Variants in UTP20 observed in about 807,000 individuals in gnomAD.
UTP20 encodes the protein UTP20 small subunit processome component.
A neutral mutation model predicts 329.5 loss-of-function variants in UTP20; 164 were observed. The ratio of observed to expected loss-of-function variants is 0.50; its 90% confidence interval spans 0.44 to 0.57. The LOEUF is 0.57. Ranked by LOEUF, UTP20 falls within the 20% of genes least tolerant of loss-of-function variation. The probability of loss-of-function intolerance (pLI) is 0.00; values close to 1 mark genes in which losing one functional copy is unlikely to be tolerated. For missense variants in UTP20, 3,055 were observed against 3,284.2 expected, an observed-to-expected ratio of 0.93 and a Z score of 1.71; for synonymous variants, 1,151 against 1,159.3, an observed-to-expected ratio of 0.99 and a Z score of 0.14.
intron 5 of UTP20, among the ~76,000 whole-genome samples, chr12:101,287,147 A>G (rs935156923): frequency 2.6e-5 from 4 of 152,160 alleles, no homozygotes; most frequent in Non-Finnish European, 4.4e-5. Context: ...GGAGTGTTTA[A>G]TATCAGTCAT....
At position 101,295,522 on chromosome 12, in the gene UTP20, T is replaced by A. The variant is rs1178657423; in HGVS notation, c.1294T>A (p.Leu432Ile). 1 of 1,611,462 alleles carries A rather than the reference T, an allele frequency of 6.2e-7. No homozygotes were observed. Among genetic ancestry groups the A allele is most frequent in the Admixed American group, 1.7e-5 (1 of 59,908 alleles). ...TCTGTCATATATTGTGAATTGCTTC[T>A]TAATTGATGATGCTGTAGTCAAAGA... is the stretch of plus-strand genomic sequence containing the variant. ...SFLSYIVNCF[L>I]IDDAVVKDEA... The change falls in exon 12 of 62, where the codon TTA becomes ATA. Residue 432 changes from leucine (L) to isoleucine (I), a missense_variant. Transcript: ENST00000261637.
chr12:101,343,718 G>A (rs1172086369), intron 35 of UTP20, among the ~76,000 whole-genome samples: 1 of 152,090 alleles, frequency 6.6e-6, no homozygotes, highest in African/African-American at 2.4e-5. Context: ...CACCATGTTG[G>A]CCAGGCTAGT....
At chr12:101,297,010 T>C (rs1306286868) in intron 12 of UTP20, among the ~76,000 whole-genome samples, 1 of 152,106 alleles carries the variant, frequency 6.6e-6, no homozygotes, top group Non-Finnish European at 1.5e-5. Flanking sequence ...CTTATTTCTC[T>C]TGGAGTAGTT....
rs1371519214 is a variant in UTP20 at position 101,317,543 on chromosome 12, G to A, written c.2618G>A (p.Gly873Glu). The A allele has an allele frequency of 6.2e-7, 1 of 1,614,152 alleles. No homozygotes were observed. The highest frequency in any genetic ancestry group is 2.2e-5 in the East Asian group (1 of 44,880). The change falls in exon 22 of 62, where the codon GGG becomes GAG. Residue 873 changes from glycine (G) to glutamate (E), a missense_variant. Gly to Glu is a moderately conservative substitution (Grantham distance 98). Coordinates refer to ENST00000261637, the MANE Select transcript of UTP20 (RefSeq NM_014503.3). ...CAGGATCTACGGAGAAAAGGCAAAG[G>A]GATGGTGGCAGAGGAAATCGAAGAG... ...PTQDLRRKGKGMVAEEIEEEP... is the reference protein window; with the variant it reads ...PTQDLRRKGKEMVAEEIEEEP...
chr12:101,286,455 A>G lies in UTP20; in HGVS notation c.461A>G (p.Tyr154Cys), dbSNP rs771513621. The change falls in exon 5 of 62, where the codon TAT becomes TGT. Residue 154 changes from tyrosine to cysteine, a missense_variant. Physicochemically the swap from Tyr to Cys is radical, Grantham distance 194. Around this residue, in one of 3 missense-constraint regions of UTP20, gnomAD observed 2,445 missense variants for 2,575.5 expected, o/e 0.95. Transcript: ENST00000261637. ...GAATGGGCTTTCACCTCGTTATCATATCTTTATAAGTACCTGTGGAGACTG... is the reference window on the plus strand; with the variant it reads ...GAATGGGCTTTCACCTCGTTATCATGTCTTTATAAGTACCTGTGGAGACTG... ...LLEWAFTSLS[Y>C]LYKYLWRLMV... 8.7e-6 allele frequency: 14 copies of G among 1,613,958 alleles called. No individual in the cohort carries two copies. Among genetic ancestry groups the G allele is most frequent in the Non-Finnish European group, 1.2e-5 (14 of 1,179,938 alleles).
intron 25 of UTP20, among the ~76,000 whole-genome samples, chr12:101,324,016 A>G (rs1868467211): frequency 6.6e-6 from 1 of 151,890 alleles, no homozygotes; most frequent in African/African-American, 2.4e-5. Flanking sequence ...ACGTGCCTGT[A>G]ATCCCAGCGA....
Position 101,354,948 on chromosome 12 carries a change from C to G in UTP20, c.5224C>G (p.Pro1742Ala), listed in dbSNP as rs1319436791. The G allele has an allele frequency of 1.2e-6, 2 of 1,614,118 alleles. No individual in the cohort carries two copies. Among genetic ancestry groups the G allele is most frequent in the Non-Finnish European group, 8.5e-7 (1 of 1,180,006 alleles). The part of the protein sequence containing the change: ...SLSDNGQPGT[P>A]DPADSGGTSA... The stretch of plus-strand genomic sequence containing the variant: ...GTCAGACAACGGACAACCGGGAACC[C>G]CTGATCCAGCTGACTCTGGAGGAAC... The change falls in exon 41 of 62, where the codon CCT becomes GCT. Residue 1742 changes from proline to alanine, a missense_variant. This residue lies in a region of UTP20 where 2,445 missense variants were observed against 2,575.5 expected (regional missense o/e 0.95). Transcript: ENST00000261637.
At chr12:101,371,848 A>C (rs1485662509) in intron 51 of UTP20, among the ~76,000 whole-genome samples, 1 of 152,160 alleles carries the variant, frequency 6.6e-6, no homozygotes, top group Admixed American at 6.5e-5. Flanking sequence ...TGTTCTAAGA[A>C]TAGCAAGGAG....
chr12:101,291,682 G>T lies in UTP20; in HGVS notation c.892-60G>T, dbSNP rs1372181367. The T allele has an allele frequency of 2.7e-6, 4 of 1,474,024 alleles. No homozygotes were observed. In the African/African-American group the frequency reaches 5.7e-5, roughly 21 times the overall value. 91.3% of individuals were successfully genotyped at this position (1,474,024 alleles called of 1,614,324 possible). The stretch of plus-strand genomic sequence containing the variant: ...GTTGAACTGTCCCACAGTTTTTATT[G>T]TTGGATTAACAGTTGAGTTTGATAC... On this transcript the variant is annotated intron_variant, in intron 8 of 61. Transcript: ENST00000261637.
At chr12:101,328,862 C>G (rs749959810) in intron 26 of UTP20, among the ~76,000 whole-genome samples, 2 of 128,894 alleles carry the variant, frequency 1.6e-5, no homozygotes, top group Non-Finnish European at 3.3e-5. Flanking sequence ...GAGTGAGACT[C>G]TGTCTCAAAA....
At chr12:101,340,375 T>G in intron 31 of UTP20, 148 bp from the exon 32 acceptor site, 1 of 539,296 alleles carries the variant, frequency 1.9e-6, no homozygotes, top group Non-Finnish European at 3.3e-6. Flanking sequence ...GAGGTAAACT[T>G]TTTATACATG....
chr12:101,367,713 C>G, intron 47 of UTP20, 147 bp from the exon 48 acceptor site: 1 of 603,460 alleles, frequency 1.7e-6, no homozygotes, highest in Non-Finnish European at 3.0e-6. Context: ...CCCTCCCAGG[C>G]AGTTTGTCAT....
chr12:101,315,704 T>G (rs957959033), intron 21 of UTP20, among the ~76,000 whole-genome samples: 1 of 152,186 alleles, frequency 6.6e-6, no homozygotes, highest in Non-Finnish European at 1.5e-5. Context: ...TTTTTTTGCT[T>G]TGTTTTGAGG....
intron 25 of UTP20, among the ~76,000 whole-genome samples, chr12:101,323,260 TTTTTTGCAAAA>T (rs2137261943): frequency 6.6e-6 from 1 of 152,344 alleles, no homozygotes; most frequent in Non-Finnish European, 1.5e-5. Context: ...TTATTTTGGT[TTTTTTGCAAAA>T]TAGAAAATCT....
At chr12:101,352,957 T>C in intron 39 of UTP20, 90 bp from the exon 40 acceptor site, 1 of 613,736 alleles carries the variant, frequency 1.6e-6, no homozygotes, top group Non-Finnish European at 2.6e-6. Flanking sequence ...ATAATTTTAA[T>C]GTTTATTAGT....
intron 55 of UTP20, 121 bp downstream of exon 55, chr12:101,375,060 A>G (rs1374153119): frequency 3.0e-6 from 2 of 657,382 alleles, no homozygotes; most frequent in Non-Finnish European, 5.0e-6. Flanking sequence ...ATAGCTATTT[A>G]TAGCTAATCA....
chr12:101,381,325 G>A (rs1870639471), intron 58 of UTP20, 114 bp downstream of exon 58: 1 of 854,830 alleles, frequency 1.2e-6, no homozygotes, highest in Middle Eastern at 2.3e-4. Context: ...CCGAGGTCAG[G>A]AGTTCGAGAT....
At chr12:101,363,461 A>G in intron 44 of UTP20, 115 bp from the exon 45 acceptor site, 3 of 872,854 alleles carry the variant, frequency 3.4e-6, no homozygotes, top group Non-Finnish European at 3.3e-6. Flanking sequence ...ATTTGAGTCC[A>G]GTCCAACTTG....
At chr12:101,371,977 T>C (rs1870309853) in intron 51 of UTP20, among the ~76,000 whole-genome samples, 1 of 152,078 alleles carries the variant, frequency 6.6e-6, no homozygotes, top group African/African-American at 2.4e-5. Context: ...AAGTTGGAAA[T>C]AGGAACTCAG....
Sources: gnomAD v4.1 joint callset for allele counts (sites outside exome capture counted in the v4.1 genomes callset) on GRCh38, gnomAD v4.1.1 for gene constraint, gnomAD v4.1.1 regional missense constraint, MANE v1.5 for transcripts, NCBI Gene and HGNC (gene_info 2026-07-23, HGNC 2026-07-21) for gene names.